The following ADCY8 variants were observed in gnomAD, a reference collection of about 807,000 sequenced individuals.
The protein encoded by ADCY8 is adenylate cyclase type 8.
A neutral mutation model predicts 119.7 loss-of-function variants in ADCY8; 51 were observed. The observed-to-expected ratio is 0.43, with a 90% CI of 0.34 to 0.54. The LOEUF is 0.54. Ranked by LOEUF, ADCY8 falls within the 20% of genes least tolerant of loss-of-function variation. ADCY8 has a pLI of 0.03. For missense variants in ADCY8, 1,383 were observed against 1,598.8 expected (o/e 0.87, Z 2.30); for synonymous variants, 665 against 651.0 (o/e 1.02, Z -0.33).
chr8:130,983,653 T>C (rs1046273287), intron 2 of ADCY8, among the ~76,000 whole-genome samples: 4 of 151,916 alleles, frequency 2.6e-5, no homozygotes, highest in Non-Finnish European at 5.9e-5. Flanking sequence ...GTAAATGAAA[T>C]TGGGTGGGTT....
chr8:130,799,202 G>A (rs996475006), intron 15 of ADCY8, among the ~76,000 whole-genome samples: 2 of 152,128 alleles, frequency 1.3e-5, no homozygotes, highest in African/African-American at 4.8e-5. Flanking sequence ...AGTACTTTCT[G>A]GAGATCTATT....
chr8:130,790,785 T>C (rs1241379783), intron 15 of ADCY8, among the ~76,000 whole-genome samples: 1 of 152,204 alleles, frequency 6.6e-6, no homozygotes, highest in African/African-American at 2.4e-5. Context: ...CGATCCATTA[T>C]ACCTTTGGGC....
chr8:130,995,435 C>T (rs993178966), intron 1 of ADCY8, among the ~76,000 whole-genome samples: 1 of 152,088 alleles, frequency 6.6e-6, no homozygotes, highest in Admixed American at 6.5e-5. Flanking sequence ...TGTATATGTG[C>T]ATGTAGTGTA....
chr8:130,799,934 T>TC (rs34976647), intron 15 of ADCY8, among the ~76,000 whole-genome samples: 4 of 151,874 alleles, frequency 2.6e-5, no homozygotes, highest in Admixed American at 1.3e-4. Context: ...CGTGAGCATT[T>TC]CCCCCCACAG....
At chr8:130,979,007 C>T (rs957023565) in intron 2 of ADCY8, among the ~76,000 whole-genome samples, 1 of 152,178 alleles carries the variant, frequency 6.6e-6, no homozygotes, top group African/African-American at 2.4e-5. Flanking sequence ...AGAAATAGAA[C>T]TTAGGTCTAA....
At chr8:131,022,953 G>A (rs907259790) in intron 1 of ADCY8, among the ~76,000 whole-genome samples, 1 of 152,154 alleles carries the variant, frequency 6.6e-6, no homozygotes, top group African/African-American at 2.4e-5. Context: ...CATGTACAGG[G>A]TGGTGATGGT....
chr8:130,961,117 T>A (rs190091086), intron 2 of ADCY8, among the ~76,000 whole-genome samples: 1 of 152,164 alleles, frequency 6.6e-6, no homozygotes, highest in East Asian at 1.9e-4. Context: ...TTCTTTCTTA[T>A]TTATTTTTTT....
intron 1 of ADCY8, among the ~76,000 whole-genome samples, chr8:130,999,480 T>G (rs1259483012): frequency 6.6e-6 from 1 of 152,146 alleles, no homozygotes; most frequent in Non-Finnish European, 1.5e-5. Context: ...GATTTGTGTT[T>G]TAAGGGCCTA....
chr8:130,810,347 T>TACAC (rs58781726), intron 14 of ADCY8, among the ~76,000 whole-genome samples: 19,163 of 142,570 alleles, frequency 0.13, 1,372 homozygotes, highest in Admixed American at 0.18. Flanking sequence ...TCTCTTTTTC[T>TACAC]ACACACACAC....
intron 7 of ADCY8, among the ~76,000 whole-genome samples, chr8:130,899,768 G>T (rs371081527): frequency 6.6e-6 from 1 of 152,284 alleles, no homozygotes; most frequent in Non-Finnish European, 1.5e-5. Flanking sequence ...GCATGCAGCA[G>T]AAAAGGAAAA....
intron 7 of ADCY8, among the ~76,000 whole-genome samples, chr8:130,893,803 T>C (rs530276260): frequency 1.3e-5 from 2 of 149,768 alleles, no homozygotes; most frequent in Admixed American, 1.3e-4. Flanking sequence ...TTTGTGTGTG[T>C]GCATGTTTAT....
At chr8:130,931,807 A>G (rs1340079971) in intron 5 of ADCY8, among the ~76,000 whole-genome samples, 1 of 152,050 alleles carries the variant, frequency 6.6e-6, no homozygotes, top group Non-Finnish European at 1.5e-5. Context: ...CAATCACTCC[A>G]TTAAGTTTCT....
chr8:130,781,834 G>GT (rs1815088498), intron 17 of ADCY8, among the ~76,000 whole-genome samples: 1 of 152,172 alleles, frequency 6.6e-6, no homozygotes, highest in Non-Finnish European at 1.5e-5. Context: ...GGGCATGTAT[G>GT]TCTCTTTCTA....
At chr8:130,837,962 T>C (rs987348023) in intron 11 of ADCY8, among the ~76,000 whole-genome samples, 1 of 152,246 alleles carries the variant, frequency 6.6e-6, no homozygotes, top group African/African-American at 2.4e-5. Context: ...AGTTAAAATA[T>C]TGGACTTGAT....
At chr8:131,001,220 G>A (rs929594616) in intron 1 of ADCY8, among the ~76,000 whole-genome samples, 1 of 152,224 alleles carries the variant, frequency 6.6e-6, no homozygotes, top group South Asian at 2.1e-4. Context: ...TGAGGACGAG[G>A]AGTGAGGGAG....
intron 12 of ADCY8, among the ~76,000 whole-genome samples, chr8:130,822,322 G>T (rs1816535322): frequency 6.6e-6 from 1 of 152,100 alleles, no homozygotes; most frequent in Admixed American, 6.6e-5. Context: ...TAGCTAGGTG[G>T]TTTATAGGTC....
chr8:130,884,756 C>G lies in ADCY8; in HGVS notation c.1917G>C (p.Leu639=). The G allele has an allele frequency of 1.2e-6, 2 of 1,613,782 alleles. No individual in the cohort carries two copies. The highest frequency in any genetic ancestry group is 1.7e-6 in the Non-Finnish European group (2 of 1,179,774). The change falls in exon 8 of 18, where the codon CTG becomes CTC. Residue 639 remains leucine (L), a synonymous_variant. Transcript: ENST00000286355. ...FDNIVGKQNT[L]AALTRNSINL... ...TTATTGAATTTCTTGTTAGGGCAGC[C>G]AGAGTCTAGGGGGAAAGCACATGCA...
intron 8 of ADCY8, among the ~76,000 whole-genome samples, chr8:130,869,815 C>T (rs1320207875): frequency 1.3e-5 from 2 of 151,934 alleles, no homozygotes; most frequent in East Asian, 3.9e-4. Context: ...CTGCACCCGG[C>T]CGGCTACTGG....
chr8:131,008,230 A>G (rs1823185983), intron 1 of ADCY8, among the ~76,000 whole-genome samples: 1 of 152,190 alleles, frequency 6.6e-6, no homozygotes. Context: ...ACAAATTTGG[A>G]GCCCAGCAAG....
Sources: allele counts gnomAD v4.1 joint callset (sites outside exome capture counted in the v4.1 genomes callset), GRCh38; gene constraint gnomAD v4.1.1; transcripts MANE v1.5; gene names NCBI Gene and HGNC (gene_info 2026-07-23, HGNC 2026-07-21).